The following PCED1B variants were observed in gnomAD, a reference collection of about 807,000 sequenced individuals.
PCED1B encodes PC-esterase domain-containing protein 1B.
For synonymous variants in PCED1B, 251 were observed against 246.1 expected, an observed-to-expected ratio of 1.02 and a Z score of -0.19; for missense variants, 573 against 573.9, an observed-to-expected ratio of 1.00 and a Z score of 0.02.
chr12:47,123,313 G>A (rs1243435780), intron 2 of PCED1B, among the ~76,000 whole-genome samples: 1 of 152,122 alleles, frequency 6.6e-6, no homozygotes, highest in South Asian at 2.1e-4. Flanking sequence ...GACATTACTT[G>A]AGCTCTAATT....
intron 2 of PCED1B, among the ~76,000 whole-genome samples, chr12:47,170,979 A>C (rs1207714382): frequency 6.6e-6 from 1 of 151,710 alleles, no homozygotes; most frequent in Non-Finnish European, 1.5e-5. Context: ...TTTTCCTTTC[A>C]ACCAAATCAC....
intron 2 of PCED1B, among the ~76,000 whole-genome samples, chr12:47,154,811 G>GCA (rs58720241): frequency 1.4e-5 from 2 of 145,134 alleles, no homozygotes; most frequent in Non-Finnish European, 3.0e-5. Flanking sequence ...GTGTGTGTGT[G>GCA]CATCTTCCTA....
intron 2 of PCED1B, among the ~76,000 whole-genome samples, chr12:47,200,194 C>CA (rs534572202): frequency 0.24 from 34,475 of 142,864 alleles, 4,443 homozygotes; most frequent in Non-Finnish European, 0.31. Flanking sequence ...GATCTTGCCT[C>CA]AAAAAAAAAA....
chr12:47,160,964 G>T (rs1208199998), intron 2 of PCED1B, among the ~76,000 whole-genome samples: 2 of 152,180 alleles, frequency 1.3e-5, no homozygotes, highest in Non-Finnish European at 2.9e-5. Flanking sequence ...AGAGTGAGTT[G>T]TTATAAAGCC....
intron 2 of PCED1B, among the ~76,000 whole-genome samples, chr12:47,204,192 G>A (rs991133983): frequency 6.6e-6 from 1 of 152,024 alleles, no homozygotes; most frequent in Non-Finnish European, 1.5e-5. Context: ...TAAATGATCT[G>A]CCCGCTTCGG....
intron 2 of PCED1B, among the ~76,000 whole-genome samples, chr12:47,175,916 G>C (rs1386696203): frequency 1.3e-5 from 2 of 150,372 alleles, no homozygotes; most frequent in East Asian, 2.0e-4. Context: ...TTTAGAGACA[G>C]GGTGTCGCTA....
At chr12:47,080,597 G>C (rs1937649894) in intron 1 of PCED1B, among the ~76,000 whole-genome samples, 2 of 152,140 alleles carry the variant, frequency 1.3e-5, no homozygotes, top group African/African-American at 4.8e-5. Context: ...TCACCTCCCT[G>C]GGAAAGTTCT....
chr12:47,106,431 G>GA (rs1455382659), intron 2 of PCED1B, among the ~76,000 whole-genome samples: 3 of 152,180 alleles, frequency 2.0e-5, no homozygotes, highest in Non-Finnish European at 4.4e-5. Flanking sequence ...GTAATGGGAA[G>GA]AAAAGTGGGT....
At chr12:47,089,867 G>A (rs1445629215) in intron 1 of PCED1B, among the ~76,000 whole-genome samples, 1 of 151,908 alleles carries the variant, frequency 6.6e-6, no homozygotes, top group East Asian at 1.9e-4. Context: ...TCTGCCTCCC[G>A]GGTTCAAGTG....
chr12:47,216,730 A>G (rs1246696530), intron 3 of PCED1B, 41 bp downstream of exon 3: 1 of 152,206 alleles, frequency 6.6e-6, no homozygotes, highest in Non-Finnish European at 1.5e-5. Context: ...TGAAACTTTA[A>G]GTTGGCATTT....
intron 3 of PCED1B, among the ~76,000 whole-genome samples, chr12:47,217,641 A>G (rs998903836): frequency 2.0e-5 from 3 of 152,108 alleles, no homozygotes; most frequent in South Asian, 2.1e-4. Flanking sequence ...CAGTGGTGCT[A>G]TCTCTGCTCA....
intron 2 of PCED1B, among the ~76,000 whole-genome samples, chr12:47,152,394 G>A (rs892051422): frequency 6.6e-6 from 1 of 152,134 alleles, no homozygotes; most frequent in African/African-American, 2.4e-5. Context: ...GCCAAAAATG[G>A]GTAACCTCTG....
At chr12:47,142,157 G>C (rs1940618706) in intron 2 of PCED1B, among the ~76,000 whole-genome samples, 1 of 152,118 alleles carries the variant, frequency 6.6e-6, no homozygotes, top group Non-Finnish European at 1.5e-5. Context: ...AGAGACAGTT[G>C]ATTTCACTCA....
At position 47,079,745 on chromosome 12, in the gene PCED1B, G is replaced by T. The variant is rs1941928721; in HGVS notation, c.-609+20G>T. The T allele has an allele frequency of 6.6e-6, 1 of 151,114 alleles. No individual in the cohort carries two copies. Among genetic ancestry groups the T allele is most frequent in the South Asian group, 2.1e-4 (1 of 4,822 alleles). The allele number at this position is 151,114 out of a possible 1,614,324, so 9.4% of individuals were successfully genotyped here. ...CTGAAGGTACCGCCTCGGCGCTCTG[G>T]CCGCCGTGTGCCCGCGCGCGGGGCG... is the stretch of plus-strand genomic sequence containing the variant. On this transcript the variant is annotated intron_variant, in intron 1 of 3. Coordinates refer to ENST00000546455, the MANE Select transcript of PCED1B (RefSeq NM_138371.3).
intron 1 of PCED1B, among the ~76,000 whole-genome samples, chr12:47,095,831 T>C (rs1323331413): frequency 6.6e-6 from 1 of 151,988 alleles, no homozygotes; most frequent in East Asian, 1.9e-4. Context: ...TTATTTTTCA[T>C]GTTAATCATA....
At chr12:47,148,140 G>A (rs563832121) in intron 2 of PCED1B, among the ~76,000 whole-genome samples, 9 of 152,254 alleles carry the variant, frequency 5.9e-5, no homozygotes, top group Admixed American at 1.3e-4. Flanking sequence ...ACAAACAGAC[G>A]GGACCAAACT....
At chr12:47,186,693 C>T (rs1942279721) in intron 2 of PCED1B, among the ~76,000 whole-genome samples, 1 of 152,132 alleles carries the variant, frequency 6.6e-6, no homozygotes, top group Non-Finnish European at 1.5e-5. Flanking sequence ...TTTTCCCCTA[C>T]AGCTTTCAGA....
At chr12:47,132,040 G>T (rs1940154324) in intron 2 of PCED1B, among the ~76,000 whole-genome samples, 1 of 152,174 alleles carries the variant, frequency 6.6e-6, no homozygotes, top group Non-Finnish European at 1.5e-5. Flanking sequence ...AGATGACCTG[G>T]CCAGTAATGA....
At position 47,089,461 on chromosome 12, in the gene PCED1B, C is replaced by CATGTATATATATATATATATATAT. The variant is rs1233280547; in HGVS notation, c.-609+9738_-609+9739insGTATATATATATATATATATATAT. Among the ~76,000 whole-genome samples the CATGTATATATATATATATATATAT allele has an allele frequency of 7.6e-4, 48 of 63,408 alleles. 4 individuals carry two copies. Among genetic ancestry groups the CATGTATATATATATATATATATAT allele is most frequent in the Admixed American group, 2.9e-3 (11 of 3,748 alleles). The allele number at this position is 63,408 out of a possible 152,430, so 41.6% of individuals were successfully genotyped here. On this transcript the variant is annotated intron_variant, in intron 1 of 3. Coordinates refer to ENST00000546455, the MANE Select transcript of PCED1B (RefSeq NM_138371.3). Reference sequence around the variant, plus strand: ...GACTCCATCTCAAAAAAAAAAAATACATATATATATATATATATATATATA... The same window carrying CATGTATATATATATATATATATAT: ...GACTCCATCTCAAAAAAAAAAAATACATGTATATATATATATATATATATATATATATATATATATATATATATA...
Sources: gnomAD v4.1 joint callset for allele counts (sites outside exome capture counted in the v4.1 genomes callset) on GRCh38, gnomAD v4.1.1 for gene constraint, MANE v1.5 for transcripts, NCBI Gene and HGNC (gene_info 2026-07-23, HGNC 2026-07-21) for gene names.